The following ZFPM2 variants were observed in gnomAD, a reference collection of about 807,000 sequenced individuals.
ZFPM2 encodes zinc finger protein, FOG family member 2.
Under a neutral mutation model 98.6 loss-of-function variants are expected in ZFPM2, and 20 were observed. The observed-to-expected ratio is 0.20, with a 90% CI of 0.14 to 0.29. The LOEUF (loss-of-function observed/expected upper bound fraction) is 0.29. Among genes scored for constraint, ZFPM2 ranks in the 10% least tolerant of loss-of-function variants. The probability of loss-of-function intolerance (pLI) is 1.00; values close to 1 mark genes in which losing one functional copy is unlikely to be tolerated. For synonymous variants in ZFPM2, 518 were observed against 502.7 expected (o/e 1.03, Z -0.41); for missense variants, 1,310 against 1,388.6 (o/e 0.94, Z 0.90).
intron 6 of ZFPM2, chr8:105,798,038 T>C (rs1274705242): frequency 6.6e-6 from 1 of 152,224 alleles, no homozygotes; most frequent in Non-Finnish European, 1.5e-5. Flanking sequence ...AAAAAAATGG[T>C]GTCAGGGGTT....
At chr8:105,464,727 C>T (rs1474103154) in intron 3 of ZFPM2, among the ~76,000 whole-genome samples, 1 of 151,658 alleles carries the variant, frequency 6.6e-6, no homozygotes, top group Non-Finnish European at 1.5e-5. Context: ...TGAACGCCCT[C>T]AAGCTGTTAA....
rs571714727 is a variant in ZFPM2 at position 105,336,870 on chromosome 8, T to C, written c.40+17889T>C. On this transcript the variant is annotated intron_variant, in intron 1 of 7. Transcript: ENST00000407775. Reference sequence around the variant, plus strand: ...ATCTGTTACAGATCACTTCGTCTCATTTTTTGGTATTAAATAACACAGGGT... The same window carrying C: ...ATCTGTTACAGATCACTTCGTCTCACTTTTTGGTATTAAATAACACAGGGT... Among the ~76,000 whole-genome samples, 210 of 151,894 alleles carry C rather than the reference T, an allele frequency of 1.4e-3. 1 individual carries two copies. Among genetic ancestry groups the C allele is most frequent in the African/African-American group, 4.8e-3 (199 of 41,514 alleles).
At chr8:105,342,484 T>A (rs376672792) in intron 1 of ZFPM2, among the ~76,000 whole-genome samples, 2 of 152,060 alleles carry the variant, frequency 1.3e-5, no homozygotes, top group Non-Finnish European at 2.9e-5. Flanking sequence ...TCAAGAGGAA[T>A]GTGTGAGACA....
chr8:105,406,263 A>G (rs1811456590), intron 1 of ZFPM2, among the ~76,000 whole-genome samples: 1 of 152,110 alleles, frequency 6.6e-6, no homozygotes, highest in African/African-American at 2.4e-5. Flanking sequence ...TTTGCTGTGC[A>G]GAAGCTCTTT....
chr8:105,399,700 A>T, intron 1 of ZFPM2, among the ~76,000 whole-genome samples: 1 of 135,406 alleles, frequency 7.4e-6, no homozygotes. Flanking sequence ...ATTTCCCCTT[A>T]GGTTGTATTT....
chr8:105,798,976 G>T, intron 7 of ZFPM2, 28 bp downstream of exon 7: 1 of 1,580,966 alleles, frequency 6.3e-7, no homozygotes, highest in Non-Finnish European at 8.7e-7. Flanking sequence ...TTCTTCTGTT[G>T]CTCCAGAAGA....
chr8:105,793,519 T>A (rs1586273660), intron 6 of ZFPM2, among the ~76,000 whole-genome samples: 1 of 152,166 alleles, frequency 6.6e-6, no homozygotes, highest in Non-Finnish European at 1.5e-5. Context: ...GCCCTTAACA[T>A]TTTTTCCTTC....
rs186865796 is a variant in ZFPM2, at chr8:105,444,971, C to A, written c.301+590C>A. ...TAAATGTATGTAAATATATAACAGT[C>A]AAAAGAACTCTGCAGAAAAAAGGCT... is the stretch of plus-strand genomic sequence containing the variant. On this transcript the variant is annotated intron_variant, in intron 3 of 7. Coordinates refer to ENST00000407775, the MANE Select transcript of ZFPM2 (RefSeq NM_012082.4). Among the ~76,000 whole-genome samples, 382 of 152,110 alleles carry A rather than the reference C, an allele frequency of 2.5e-3. 1 individual carries two copies. Among genetic ancestry groups the A allele is most frequent in the Non-Finnish European group, 4.5e-3 (306 of 67,972 alleles).
At chr8:105,667,588 C>T (rs1359002733) in intron 5 of ZFPM2, among the ~76,000 whole-genome samples, 1 of 152,098 alleles carries the variant, frequency 6.6e-6, no homozygotes, top group East Asian at 1.9e-4. Context: ...ATCTGAAGGG[C>T]TATTAAAGTA....
intron 5 of ZFPM2, among the ~76,000 whole-genome samples, chr8:105,657,519 C>A (rs1409861602): frequency 6.6e-6 from 1 of 152,078 alleles, no homozygotes; most frequent in Non-Finnish European, 1.5e-5. Context: ...TTCAGTCATG[C>A]CAAACAGAAC....
chr8:105,773,218 A>G (rs769552581), intron 5 of ZFPM2, among the ~76,000 whole-genome samples: 9 of 152,202 alleles, frequency 5.9e-5, no homozygotes, highest in Non-Finnish European at 1.3e-4. Context: ...ATACCAACAT[A>G]TAAAGGCAGC....
At chr8:105,583,528 T>C (rs1481775877) in intron 4 of ZFPM2, among the ~76,000 whole-genome samples, 1 of 152,214 alleles carries the variant, frequency 6.6e-6, no homozygotes, top group African/African-American at 2.4e-5. Context: ...CTTAAATCTG[T>C]GCAACTGAGT....
chr8:105,680,250 G>A (rs1268738668), intron 5 of ZFPM2, among the ~76,000 whole-genome samples: 1 of 152,094 alleles, frequency 6.6e-6, no homozygotes, highest in Non-Finnish European at 1.5e-5. Context: ...GGTAACAAAT[G>A]TTCTTAAATG....
At chr8:105,388,965 TA>T (rs1185071815) in intron 1 of ZFPM2, among the ~76,000 whole-genome samples, 2 of 150,960 alleles carry the variant, frequency 1.3e-5, no homozygotes, top group African/African-American at 4.9e-5. Context: ...AACGTGCACA[TA>T]CAGAGGAGAG....
chr8:105,410,522 T>C (rs1000785018), intron 1 of ZFPM2, among the ~76,000 whole-genome samples: 2 of 151,906 alleles, frequency 1.3e-5, no homozygotes, highest in Non-Finnish European at 2.9e-5. Context: ...ATTTAAAACA[T>C]CCTTTTATAC....
At chr8:105,425,248 A>G (rs1811883365) in intron 2 of ZFPM2, among the ~76,000 whole-genome samples, 1 of 152,186 alleles carries the variant, frequency 6.6e-6, no homozygotes, top group Non-Finnish European at 1.5e-5. Context: ...GCGGTAAGAC[A>G]TGGCCACGAC....
intron 5 of ZFPM2, among the ~76,000 whole-genome samples, chr8:105,746,116 T>C (rs1395545547): frequency 6.6e-6 from 1 of 151,616 alleles, no homozygotes; most frequent in Non-Finnish European, 1.5e-5. Flanking sequence ...GTAGGGAATG[T>C]GTACTGAAAA....
At chr8:105,415,953 C>A (rs996754581) in intron 1 of ZFPM2, among the ~76,000 whole-genome samples, 1 of 151,842 alleles carries the variant, frequency 6.6e-6, no homozygotes, top group African/African-American at 2.4e-5. Flanking sequence ...AAATTTTGAA[C>A]AAATGAGCTT....
intron 1 of ZFPM2, among the ~76,000 whole-genome samples, chr8:105,330,617 T>TATACAC (rs1183721824): frequency 1.7e-5 from 1 of 58,870 alleles, no homozygotes; most frequent in Non-Finnish European, 3.0e-5. Flanking sequence ...TATACACATA[T>TATACAC]ATATATATAT....
Sources: allele counts gnomAD v4.1 joint callset (sites outside exome capture counted in the v4.1 genomes callset), GRCh38; gene constraint gnomAD v4.1.1; transcripts MANE v1.5; gene names NCBI Gene and HGNC (gene_info 2026-07-23, HGNC 2026-07-21).